NTM: variants seen among roughly 807,000 people sequenced by gnomAD.
The protein encoded by NTM is neurotrimin, also known as IgLON family member 2.
NTM carries 13 observed loss-of-function variants against 42.1 expected under a neutral mutation model. That is an observed-to-expected ratio of 0.31 (90% CI 0.20 to 0.49). The LOEUF is 0.49. Ranked by LOEUF, NTM falls within the 20% of genes least tolerant of loss-of-function variation. NTM has a pLI of 0.99. For synonymous variants in NTM, 187 were observed against 179.2 expected (o/e 1.04, Z -0.35); for missense variants, 373 against 452.8 (o/e 0.82, Z 1.60).
At chr11:131,390,645 C>G (rs1943886258) in intron 1 of NTM, among the ~76,000 whole-genome samples, 1 of 152,220 alleles carries the variant, frequency 6.6e-6, no homozygotes, top group Non-Finnish European at 1.5e-5. Flanking sequence ...TGGTGCAGGC[C>G]TGGGAAACAG....
In NTM at chr11:132,007,453, A is replaced by G. The variant is rs79942841; in HGVS notation, c.167+95805A>G. ...CTGCTGAGCGTTACGAAGCACAGCA[A>G]CTTGTGATTTGGGGCCTGTCAACAG... On this transcript the variant is annotated intron_variant, in intron 2 of 8. Coordinates refer to ENST00000683400, the MANE Select transcript of NTM (RefSeq NM_001352005.2). Among the ~76,000 whole-genome samples the G allele has an allele frequency of 5.3e-4, 81 of 152,304 alleles. No individual in the cohort carries two copies. The East Asian group carries it at 0.014, about 26-fold the overall frequency.
chr11:132,307,961 T>C (rs2095151488), intron 5 of NTM, 138 bp downstream of exon 5: 2 of 742,190 alleles, frequency 2.7e-6, no homozygotes, highest in South Asian at 2.3e-5. Flanking sequence ...ACACTCTGCT[T>C]TCAGGAGCAA....
chr11:131,600,415 GTAT>G (rs1424364875), intron 1 of NTM, among the ~76,000 whole-genome samples: 1 of 152,212 alleles, frequency 6.6e-6, no homozygotes, highest in Non-Finnish European at 1.5e-5. Flanking sequence ...ATAGGAAAAT[GTAT>G]TATTAAGTGG....
At chr11:131,395,439 CA>C (rs767367485) in intron 1 of NTM, among the ~76,000 whole-genome samples, 86 of 152,226 alleles carry the variant, frequency 5.6e-4, no homozygotes, top group Non-Finnish European at 1.0e-4. Flanking sequence ...AACACCCAGG[CA>C]GACACTCATG....
intron 2 of NTM, among the ~76,000 whole-genome samples, chr11:132,052,365 C>G (rs1271450221): frequency 2.0e-5 from 3 of 152,088 alleles, no homozygotes; most frequent in Non-Finnish European, 4.4e-5. Flanking sequence ...GTCTATTTCC[C>G]CCCTTAGACA....
chr11:131,937,320 GT>G (rs1375598351), intron 2 of NTM, among the ~76,000 whole-genome samples: 1 of 152,136 alleles, frequency 6.6e-6, no homozygotes, highest in Non-Finnish European at 1.5e-5. Flanking sequence ...CTTAATGTTT[GT>G]TAATATTCTG....
At chr11:131,437,359 G>T (rs1173695757) in intron 1 of NTM, among the ~76,000 whole-genome samples, 1 of 152,062 alleles carries the variant, frequency 6.6e-6, no homozygotes, top group Non-Finnish European at 1.5e-5. Context: ...CTGTCTCGTC[G>T]GTCTGTCTAA....
At chr11:131,796,280 G>A in intron 1 of NTM, 1 of 595,500 alleles carries the variant, frequency 1.7e-6, no homozygotes, top group Non-Finnish European at 2.1e-6. Flanking sequence ...AGAGGCTGCT[G>A]CCTGCCTGGC....
At chr11:132,218,555 G>A (rs1422905767) in intron 4 of NTM, among the ~76,000 whole-genome samples, 1 of 152,140 alleles carries the variant, frequency 6.6e-6, no homozygotes, top group East Asian at 1.9e-4. Context: ...GTCAGGGCAG[G>A]CTCTCTACCT....
intron 3 of NTM, among the ~76,000 whole-genome samples, chr11:132,170,297 C>T (rs189773401): frequency 5.6e-4 from 86 of 152,326 alleles, no homozygotes; most frequent in Middle Eastern, 6.8e-3. Context: ...AGATCTTCCT[C>T]CAATTCCATT....
chr11:132,307,898 A>G, intron 5 of NTM, 75 bp downstream of exon 5: 1 of 1,435,718 alleles, frequency 7.0e-7, no homozygotes, highest in African/African-American at 1.4e-5. Flanking sequence ...CCCAGAGCCC[A>G]TTGGCACAGC....
At chr11:131,682,989 TTCTC>T (rs949810846) in intron 1 of NTM, among the ~76,000 whole-genome samples, 4 of 152,098 alleles carry the variant, frequency 2.6e-5, no homozygotes, top group Admixed American at 6.5e-5. Flanking sequence ...CTCCCCACCG[TTCTC>T]TCTCTATCAC....
At chr11:131,804,688 C>G (rs931687884) in intron 1 of NTM, among the ~76,000 whole-genome samples, 1 of 152,140 alleles carries the variant, frequency 6.6e-6, no homozygotes, top group Non-Finnish European at 1.5e-5. Context: ...CCTTGTACCC[C>G]CAGGCCGCAT....
At chr11:131,962,247 A>C (rs961806193) in intron 2 of NTM, among the ~76,000 whole-genome samples, 1 of 152,190 alleles carries the variant, frequency 6.6e-6, no homozygotes, top group Non-Finnish European at 1.5e-5. Flanking sequence ...GGGGGTAGGA[A>C]GGATCAAGGG....
At chr11:131,504,327 T>A (rs1476571811) in intron 1 of NTM, among the ~76,000 whole-genome samples, 1 of 152,120 alleles carries the variant, frequency 6.6e-6, no homozygotes, top group East Asian at 1.9e-4. Context: ...ACACCTCTCC[T>A]CTGTTGGCAT....
At chr11:132,291,316 G>A (rs1379065324) in intron 4 of NTM, among the ~76,000 whole-genome samples, 1 of 152,122 alleles carries the variant, frequency 6.6e-6, no homozygotes, top group Non-Finnish European at 1.5e-5. Flanking sequence ...GATTCAGGAA[G>A]CGTTAAGTAC....
intron 1 of NTM, among the ~76,000 whole-genome samples, chr11:131,699,687 C>T (rs1393546944): frequency 1.3e-5 from 2 of 152,100 alleles, no homozygotes; most frequent in Non-Finnish European, 2.9e-5. Flanking sequence ...CAAACGCGTC[C>T]TCCTTCACAT....
intron 1 of NTM, among the ~76,000 whole-genome samples, chr11:131,889,657 G>T (rs1159109683): frequency 6.6e-6 from 1 of 152,126 alleles, no homozygotes; most frequent in Non-Finnish European, 1.5e-5. Context: ...AAGGAGTAGG[G>T]ACTTTGTCCT....
chr11:131,864,102 G>A (rs2046903732), intron 1 of NTM, among the ~76,000 whole-genome samples: 1 of 152,082 alleles, frequency 6.6e-6, no homozygotes, highest in African/African-American at 2.4e-5. Flanking sequence ...CAGGGAGTTA[G>A]ATCAGTCAAT....
Sources: allele counts gnomAD v4.1 joint callset (sites outside exome capture counted in the v4.1 genomes callset), GRCh38; gene constraint gnomAD v4.1.1; transcripts MANE v1.5; gene names NCBI Gene and HGNC (gene_info 2026-07-23, HGNC 2026-07-21).